PIK3C2B: variants seen among roughly 807,000 people sequenced by gnomAD.
PIK3C2B encodes phosphatidylinositol-4-phosphate 3-kinase catalytic subunit type 2 beta, also known as phosphatidylinositol 4-phosphate 3-kinase C2 domain-containing subunit beta.
Under a neutral mutation model 184.3 loss-of-function variants are expected in PIK3C2B, and 83 were observed. The ratio of observed to expected loss-of-function variants is 0.45; its 90% CI spans 0.38 to 0.54. PIK3C2B has a LOEUF of 0.54. Among genes scored for constraint, PIK3C2B ranks in the 20% least tolerant of loss-of-function variants. The pLI, the probability that PIK3C2B is intolerant of heterozygous loss-of-function variation, is 0.00. For missense variants in PIK3C2B, 1,736 were observed against 2,113.5 expected (o/e 0.82, Z 3.50); for synonymous variants, 779 against 837.6 (o/e 0.93, Z 1.21).
At chr1:204,470,824 A>C (rs1572380049) in intron 1 of PIK3C2B, among the ~76,000 whole-genome samples, 1 of 152,396 alleles carries the variant, frequency 6.6e-6, no homozygotes, top group African/African-American at 2.4e-5. Flanking sequence ...TTATTGACAA[A>C]TGCAATAACA....
intron 23 of PIK3C2B, among the ~76,000 whole-genome samples, chr1:204,436,288 G>A (rs1675338435): frequency 6.6e-6 from 1 of 152,132 alleles, no homozygotes; most frequent in Admixed American, 6.5e-5. Context: ...CCAGCACTTT[G>A]GGAGGCTGAG....
chr1:204,460,245 G>C lies in PIK3C2B; in HGVS notation c.1502+79C>G, dbSNP rs141768723. 288 of 1,208,552 alleles carry C rather than the reference G, an allele frequency of 2.4e-4. 1 individual carries two copies. In the African/African-American group the frequency reaches 3.5e-3, roughly 15 times the overall value. 74.9% of individuals were successfully genotyped at this position (1,208,552 alleles called of 1,614,324 possible). A position where few individuals can be genotyped will look rare whatever the true frequency, so the allele number is the denominator to read the frequency against. On this transcript the variant is annotated intron_variant, in intron 7 of 32. Transcript: ENST00000684373. ...CTGCAAGAATCCCTTAGCCCTGACA[G>C]AAAGGCAAGCAGGCACATCTGATGG...
intron 12 of PIK3C2B, among the ~76,000 whole-genome samples, chr1:204,452,743 C>A (rs1021369998): frequency 6.6e-6 from 1 of 150,764 alleles, no homozygotes; most frequent in Non-Finnish European, 1.5e-5. Context: ...CAGCCTCGAC[C>A]TCCCAGGCTC....
chr1:204,476,150 T>A (rs1656691013), intron 1 of PIK3C2B, among the ~76,000 whole-genome samples: 1 of 152,104 alleles, frequency 6.6e-6, no homozygotes, highest in Admixed American at 6.5e-5. Flanking sequence ...CCTCTAAAAA[T>A]TCAAGCCCTA....
At chr1:204,440,104 A>G (rs1675564872) in intron 22 of PIK3C2B, 88 bp downstream of exon 22, 1 of 1,368,516 alleles carries the variant, frequency 7.3e-7, no homozygotes, top group Non-Finnish European at 1.0e-6. Flanking sequence ...ACTTTCCTGG[A>G]GGAGGACACA....
chr1:204,483,551 G>C (rs181368873), intron 1 of PIK3C2B, among the ~76,000 whole-genome samples: 1 of 152,098 alleles, frequency 6.6e-6, no homozygotes, highest in Non-Finnish European at 1.5e-5. Context: ...CTTTTGCTTT[G>C]GATATTAACT....
At chr1:204,460,938 T>C (rs532586006) in intron 5 of PIK3C2B, among the ~76,000 whole-genome samples, 8 of 152,346 alleles carry the variant, frequency 5.3e-5, no homozygotes, top group African/African-American at 1.7e-4. Flanking sequence ...TAATCACTGG[T>C]TCACTCCAGG....
In PIK3C2B at chr1:204,455,934, T is replaced by C. The variant is rs1572344510; in HGVS notation, c.1865A>G (p.Gln622Arg). 1.2e-6 allele frequency: 2 copies of C among 1,614,218 alleles called. No individual in the cohort carries two copies. The highest frequency in any genetic ancestry group is 1.3e-5 in the African/African-American group (1 of 75,070). Residue 622 changes from glutamine to arginine, a missense_variant, in exon 11 of 33, where the codon CAG becomes CGG. Physicochemically the swap from Gln to Arg is conservative, Grantham distance 43. Coordinates refer to ENST00000684373, the MANE Select transcript of PIK3C2B (RefSeq NM_001377334.1). ...VPGSRKHDLV[Q>R]EACHFARSLA... ...GGACCTGGCGAAATGGCAGGCCTCCTGGACCAGGTCATGCTTGCGGCTCCC... is the reference window on the plus strand; with the variant it reads ...GGACCTGGCGAAATGGCAGGCCTCCCGGACCAGGTCATGCTTGCGGCTCCC...
chr1:204,485,676 C>A (rs1389391537), intron 1 of PIK3C2B, among the ~76,000 whole-genome samples: 1 of 151,794 alleles, frequency 6.6e-6, no homozygotes, highest in Non-Finnish European at 1.5e-5. Context: ...CAGGCCCAAG[C>A]GATCTTCTCC....
chr1:204,464,396 A>T, intron 4 of PIK3C2B, 54 bp downstream of exon 4: 2 of 1,539,796 alleles, frequency 1.3e-6, no homozygotes, highest in African/African-American at 1.4e-5. Flanking sequence ...AAACACAGTC[A>T]TCCCCACCCC....
chr1:204,446,890 C>T (rs950572463), intron 15 of PIK3C2B, among the ~76,000 whole-genome samples: 1 of 152,116 alleles, frequency 6.6e-6, no homozygotes, highest in Non-Finnish European at 1.5e-5. Flanking sequence ...GACAGCGGAA[C>T]CAGGTCCCTC....
Position 204,469,190 on chromosome 1 carries a change from G to A in PIK3C2B, c.613C>T (p.His205Tyr). ...VEQLPGKLLEHRILEEEEVLG... is the reference protein window; with the variant it reads ...VEQLPGKLLEYRILEEEEVLG... ...ACCTCTTCCTCTTCTAGGATCCGAT[G>A]CTCTAGCAGTTTGCCCGGCAATTGT... Residue 205 changes from histidine (H) to tyrosine (Y), a missense_variant, in exon 2 of 33, where the codon CAT becomes TAT. His to Tyr is a moderately conservative substitution (Grantham distance 83). Coordinates refer to ENST00000684373, the MANE Select transcript of PIK3C2B (RefSeq NM_001377334.1). 4 of 1,612,774 alleles carry A rather than the reference G, an allele frequency of 2.5e-6. No individual in the cohort carries two copies. Among genetic ancestry groups the A allele is most frequent in the Non-Finnish European group, 3.4e-6 (4 of 1,179,138 alleles).
At position 204,430,046 on chromosome 1, in the gene PIK3C2B, G is replaced by A. The variant is rs1315223027; in HGVS notation, c.4281-8C>T. On this transcript the variant is annotated splice_polypyrimidine_tract_variant and splice_region_variant and intron_variant, in intron 28 of 32. Coordinates refer to ENST00000684373, the MANE Select transcript of PIK3C2B (RefSeq NM_001377334.1). ...ACGAAGCGACTAGGGAAGCTGGCGTGGCAGCGTAGGCAGCGGGGATGCAGG... is the reference window on the plus strand; with the variant it reads ...ACGAAGCGACTAGGGAAGCTGGCGTAGCAGCGTAGGCAGCGGGGATGCAGG... The A allele has an allele frequency of 6.4e-7, 1 of 1,551,006 alleles. No individual in the cohort carries two copies. Among genetic ancestry groups the A allele is most frequent in the African/African-American group, 1.4e-5 (1 of 73,848 alleles).
intron 1 of PIK3C2B, among the ~76,000 whole-genome samples, chr1:204,476,890 A>G (rs571658164): frequency 4.6e-5 from 7 of 152,354 alleles, no homozygotes; most frequent in African/African-American, 1.7e-4. Context: ...TAGAAAACAG[A>G]TGGAAATCGT....
chr1:204,487,465 G>T (rs943298658), intron 1 of PIK3C2B, among the ~76,000 whole-genome samples: 2 of 152,086 alleles, frequency 1.3e-5, no homozygotes, highest in Non-Finnish European at 2.9e-5. Context: ...TGTTTTACAC[G>T]AAGTACATGC....
chr1:204,438,020 A>T (rs192796205), intron 23 of PIK3C2B, among the ~76,000 whole-genome samples: 381 of 152,324 alleles, frequency 2.5e-3, no homozygotes, highest in Middle Eastern at 6.8e-3. Flanking sequence ...GCCAGGAATT[A>T]AGCCCCGGGG....
intron 1 of PIK3C2B, among the ~76,000 whole-genome samples, chr1:204,476,470 TG>T (rs1414589366): frequency 6.6e-6 from 1 of 152,198 alleles, no homozygotes; most frequent in African/African-American, 2.4e-5. Flanking sequence ...CGTTTGGACC[TG>T]GGAGTTTGAG....
intron 23 of PIK3C2B, 127 bp downstream of exon 23, chr1:204,438,808 G>C (rs1675488444): frequency 1.0e-6 from 1 of 996,530 alleles, no homozygotes; most frequent in Non-Finnish European, 1.5e-6. Flanking sequence ...ACCAAGAAAG[G>C]GTAGGTCCTT....
intron 1 of PIK3C2B, among the ~76,000 whole-genome samples, chr1:204,488,056 CT>C (rs1657750110): frequency 6.6e-6 from 1 of 152,194 alleles, no homozygotes; most frequent in Non-Finnish European, 1.5e-5. Context: ...CAAATTTTGT[CT>C]GGTATTATTA....
Sources: gnomAD v4.1 joint callset for allele counts (sites outside exome capture counted in the v4.1 genomes callset) on GRCh38, gnomAD v4.1.1 for gene constraint, MANE v1.5 for transcripts, NCBI Gene and HGNC (gene_info 2026-07-23, HGNC 2026-07-21) for gene names.